Variants in MESD observed in about 807,000 individuals in gnomAD.
MESD encodes mesoderm development LRP chaperone.
MESD carries 7 observed loss-of-function variants against 12.9 expected under a neutral mutation model. That is an observed-to-expected ratio of 0.54 (90% CI 0.31 to 1.02). The LOEUF is 1.02. MESD is among the 50% of genes least tolerant of loss of function. The pLI is 0.05. For missense variants in MESD, 342 were observed against 296.7 expected (o/e 1.15, Z -1.12); for synonymous variants, 126 against 115.6 (o/e 1.09, Z -0.58).
chr15:80,963,457 G>A (rs367655226), intron 3 of MESD, among the ~76,000 whole-genome samples: 1 of 152,124 alleles, frequency 6.6e-6, no homozygotes, highest in Non-Finnish European at 1.5e-5. Flanking sequence ...GAAAAAGAGG[G>A]AATCCTCCCT....
At chr15:80,974,750 GA>G (rs200023577), downstream of MESD, among the ~76,000 whole-genome samples, 645 of 111,612 alleles carry the variant, frequency 5.8e-3, no homozygotes, top group Non-Finnish European at 8.1e-3. Flanking sequence ...AAAAGATTCA[GA>G]AAAAAAAAAA....
intron 4 of MESD, chr15:80,948,967 G>T (rs772282245): frequency 1.2e-6 from 2 of 1,613,208 alleles, no homozygotes; most frequent in Admixed American, 3.3e-5. Flanking sequence ...GACTATGACG[G>T]TGACTCTTGG....
intron 1 of MESD, among the ~76,000 whole-genome samples, chr15:80,988,255 T>C (rs1393387963): frequency 6.6e-6 from 1 of 152,236 alleles, no homozygotes; most frequent in African/African-American, 2.4e-5. Flanking sequence ...TAGGGATAAG[T>C]ACCTCCCTCA....
intron 3 of MESD, among the ~76,000 whole-genome samples, chr15:80,959,641 T>C (rs1403787684): frequency 2.0e-5 from 3 of 152,216 alleles, no homozygotes; most frequent in Non-Finnish European, 4.4e-5. Flanking sequence ...GAACCCTCTT[T>C]CTACCATAAC....
intron 3 of MESD, among the ~76,000 whole-genome samples, chr15:80,953,351 G>A (rs1901890949): frequency 6.6e-6 from 1 of 152,172 alleles, no homozygotes. Context: ...CGCCAACGAG[G>A]AACCGTCGAG....
chr15:80,959,011 C>T (rs1427333197), intron 3 of MESD, among the ~76,000 whole-genome samples: 3 of 152,114 alleles, frequency 2.0e-5, no homozygotes, highest in Non-Finnish European at 4.4e-5. Context: ...ATTGGGTTTC[C>T]CCTCTCTCAA....
chr15:80,954,073 C>G (rs1372218678), intron 3 of MESD, among the ~76,000 whole-genome samples: 2 of 152,186 alleles, frequency 1.3e-5, no homozygotes, highest in African/African-American at 2.4e-5. Flanking sequence ...TGGTAGATGA[C>G]CTGACCCACC....
intron 3 of MESD, among the ~76,000 whole-genome samples, chr15:80,964,136 T>C (rs1350972473): frequency 1.3e-5 from 2 of 152,090 alleles, no homozygotes; most frequent in African/African-American, 4.8e-5. Flanking sequence ...AAAGTCTCAG[T>C]ATACAAAATG....
chr15:80,989,538 C>T, intron 1 of MESD, 41 bp downstream of exon 1: 1 of 1,594,664 alleles, frequency 6.3e-7, no homozygotes. Flanking sequence ...AACAGGGTCC[C>T]GCACAGAGAA....
intron 1 of MESD, among the ~76,000 whole-genome samples, chr15:80,985,246 C>T (rs929207993): frequency 1.3e-5 from 2 of 152,190 alleles, no homozygotes; most frequent in Non-Finnish European, 2.9e-5. Flanking sequence ...AGTTACTTAG[C>T]CCATCTGAAA....
Position 80,986,466 on chromosome 15 carries a change from T to C in MESD, c.213+3113A>G, listed in dbSNP as rs190885512. The stretch of plus-strand genomic sequence containing the variant: ...ATGTTTAGGAGACAGATATGCTAAT[T>C]ACCCTGAATTGACCATTACATTTTA... On this transcript the variant is annotated intron_variant, in intron 1 of 2. Transcript: ENST00000261758. Among the ~76,000 whole-genome samples, 12 of 152,346 alleles carry C rather than the reference T, an allele frequency of 7.9e-5. No individual in the cohort carries two copies. The East Asian group carries it at 1.2e-3, about 15-fold the overall frequency.
downstream of MESD, among the ~76,000 whole-genome samples, chr15:80,973,759 TTTG>T (rs1295487405): frequency 6.9e-6 from 1 of 143,968 alleles, no homozygotes; most frequent in Non-Finnish European, 1.5e-5. Context: ...CATCATGGTT[TTTG>T]TTTTTTTTTT....
intron 4 of MESD, chr15:80,949,813 C>T (rs1901739943): frequency 6.6e-6 from 1 of 152,184 alleles, no homozygotes; most frequent in Non-Finnish European, 1.5e-5. Flanking sequence ...AGGAAGGCTT[C>T]TTGCTTACAG....
At chr15:80,962,809 C>G (rs1466328427) in intron 3 of MESD, among the ~76,000 whole-genome samples, 1 of 152,110 alleles carries the variant, frequency 6.6e-6, no homozygotes, top group Non-Finnish European at 1.5e-5. Flanking sequence ...ACACAATGTA[C>G]CAGAATCTGA....
intron 1 of MESD, among the ~76,000 whole-genome samples, chr15:80,986,867 G>A (rs1401091238): frequency 6.6e-6 from 1 of 152,160 alleles, no homozygotes; most frequent in Non-Finnish European, 1.5e-5. Context: ...TTAATAATAA[G>A]TGACATCTAC....
intron 3 of MESD, among the ~76,000 whole-genome samples, chr15:80,959,024 G>C (rs1367814221): frequency 3.3e-5 from 5 of 150,506 alleles, no homozygotes; most frequent in African/African-American, 1.0e-4. Flanking sequence ...TCTCTCAAAG[G>C]GTGCATCCCC....
At chr15:80,963,881 G>A (rs1596227449) in intron 3 of MESD, among the ~76,000 whole-genome samples, 1 of 152,072 alleles carries the variant, frequency 6.6e-6, no homozygotes, top group East Asian at 1.9e-4. Context: ...ATACTGAATG[G>A]GCAAAAACTG....
intron 3 of MESD, among the ~76,000 whole-genome samples, chr15:80,969,274 G>C (rs1043317220): frequency 6.6e-6 from 1 of 152,186 alleles, no homozygotes; most frequent in African/African-American, 2.4e-5. Flanking sequence ...AGGATGTCCA[G>C]AGCTTGCACA....
downstream of MESD, among the ~76,000 whole-genome samples, chr15:80,972,226 C>T (rs963312992): frequency 8.5e-5 from 13 of 152,132 alleles, no homozygotes; most frequent in African/African-American, 2.9e-4. Context: ...CATAGGAATA[C>T]AGAGCTCTCA....
Sources: allele counts gnomAD v4.1 joint callset (sites outside exome capture counted in the v4.1 genomes callset), GRCh38; gene constraint gnomAD v4.1.1; transcripts MANE v1.5; gene names NCBI Gene and HGNC (gene_info 2026-07-23, HGNC 2026-07-21).